RHPN2: variants seen among roughly 807,000 people sequenced by gnomAD.
The protein encoded by RHPN2 is rhophilin Rho GTPase binding protein 2.
A neutral mutation model predicts 79.0 loss-of-function variants in RHPN2; 40 were observed. The observed-to-expected ratio is 0.51, with a 90% confidence interval of 0.39 to 0.66. The LOEUF is 0.66. Ranked by LOEUF, RHPN2 falls within the 30% of genes least tolerant of loss-of-function variation. The probability of loss-of-function intolerance (pLI) is 0.00; values close to 1 mark genes in which losing one functional copy is unlikely to be tolerated. For missense variants in RHPN2, 686 were observed against 883.5 expected (o/e 0.78, Z 2.83); for synonymous variants, 285 against 363.5 (o/e 0.78, Z 2.46).
chr19:33,038,301 C>CA (rs767189996), intron 2 of RHPN2, among the ~76,000 whole-genome samples: 1,233 of 121,742 alleles, frequency 0.01, 8 homozygotes, highest in African/African-American at 0.025. Context: ...GACTCCATCT[C>CA]AAAAAAAAAA....
chr19:32,999,608 A>C lies in RHPN2; in HGVS notation c.1203T>G (p.Asn401Lys). Residue 401 changes from asparagine to lysine, a missense_variant, in exon 10 of 15, where the codon AAT (asparagine) becomes AAG (lysine). By Grantham distance (94) the Asn-to-Lys change is moderately conservative. Coordinates refer to ENST00000254260, the MANE Select transcript of RHPN2 (RefSeq NM_033103.5). ...EGLTPLATLK[N>K]DQQRRQLGKS... ...CACCCAGCTGTCGGCGCTGCTGATC[A>C]TTCTTCAGTGTGGCCAAGGGTGTCA... 1 of 1,612,484 alleles carries C rather than the reference A, an allele frequency of 6.2e-7. No individual in the cohort carries two copies. The highest frequency in any genetic ancestry group is 1.1e-5 in the South Asian group (1 of 91,026).
intron 3 of RHPN2, among the ~76,000 whole-genome samples, chr19:33,025,969 C>T (rs1971962292): frequency 1.4e-5 from 2 of 147,358 alleles, no homozygotes; most frequent in African/African-American, 5.1e-5. Context: ...AGATTTTATA[C>T]TGTGTTCATT....
rs1027422311 is a variant in RHPN2, at chr19:33,017,170, T to G, written c.390+4401A>C. ...GAGGCGGGTGGATCATCTGAGGTCA[T>G]GAGTTCAAGACCAGCCTGGCCAACA... On this transcript the variant is annotated intron_variant, in intron 4 of 14. Transcript: ENST00000254260. Among the ~76,000 whole-genome samples the G allele has an allele frequency of 3.9e-5, 6 of 152,026 alleles. No homozygotes were observed. In the South Asian group the frequency reaches 1.2e-3, roughly 32 times the overall value.
At chr19:33,011,883 AC>A in intron 5 of RHPN2, 80 bp from the exon 6 acceptor site, 1 of 1,581,338 alleles carries the variant, frequency 6.3e-7, no homozygotes, top group Non-Finnish European at 8.7e-7. Context: ...CCCTGCACAT[AC>A]CAGCAGGTGC....
At chr19:33,055,932 G>A (rs561474376) in intron 1 of RHPN2, among the ~76,000 whole-genome samples, 9 of 151,840 alleles carry the variant, frequency 5.9e-5, no homozygotes, top group Middle Eastern at 3.4e-3. Context: ...ATTCATTTTG[G>A]GGCATTAGCA....
At chr19:33,016,316 A>G (rs920240349) in intron 4 of RHPN2, among the ~76,000 whole-genome samples, 6 of 151,952 alleles carry the variant, frequency 3.9e-5, no homozygotes, top group African/African-American at 1.4e-4. Flanking sequence ...GGCTCAAGCA[A>G]TCCACCTCAA....
chr19:32,999,909 T>C (rs10423947), intron 9 of RHPN2, among the ~76,000 whole-genome samples: 2,327 of 152,190 alleles, frequency 0.015, 71 homozygotes, highest in African/African-American at 0.054. Context: ...CTCACTCTGT[T>C]ACCAGGCTGG....
chr19:33,020,193 A>C (rs1971911898), intron 4 of RHPN2, among the ~76,000 whole-genome samples: 1 of 152,174 alleles, frequency 6.6e-6, no homozygotes, highest in Non-Finnish European at 1.5e-5. Context: ...CCAGATACCC[A>C]GGAATGTGGC....
chr19:32,999,117 G>A (rs1193783724), intron 10 of RHPN2, among the ~76,000 whole-genome samples: 2 of 152,082 alleles, frequency 1.3e-5, no homozygotes, highest in African/African-American at 2.4e-5. Context: ...AGACGGAGAA[G>A]CTGCGTATGT....
At chr19:32,983,160 CAA>C (rs1293161059) in intron 14 of RHPN2, among the ~76,000 whole-genome samples, 10 of 100,056 alleles carry the variant, frequency 1.0e-4, no homozygotes, top group Admixed American at 2.2e-4. Flanking sequence ...TACACACACA[CAA>C]ACACACACAC....
chr19:33,053,139 T>TTTTTGTTTTGTTTTGTTTTG (rs58956378), intron 1 of RHPN2, among the ~76,000 whole-genome samples: 1 of 151,478 alleles, frequency 6.6e-6, no homozygotes, highest in Non-Finnish European at 1.5e-5. Context: ...ACCTGGCTAA[T>TTTTTGTTTTGTTTTGTTTTG]TTTTGTTTTG....
Position 33,061,252 on chromosome 19 carries a change from G to A in RHPN2, c.69+3532C>T, listed in dbSNP as rs1259187865. 1.0e-4 allele frequency among the ~76,000 whole-genome samples: 14 copies of A among 139,880 alleles called. 1 individual carries two copies. Among genetic ancestry groups the A allele is most frequent in the African/African-American group, 3.0e-4 (11 of 37,232 alleles). 91.8% of individuals were successfully genotyped at this position (139,880 alleles called of 152,430 possible). A position where few individuals can be genotyped will look rare whatever the true frequency, so the allele number is the denominator to read the frequency against. ...TTTTTTTTTTTTTTTTTTTTGAGACGGAGTCTCGCTCTGTCACCCAGGCAG... is the reference window on the plus strand; with the variant it reads ...TTTTTTTTTTTTTTTTTTTTGAGACAGAGTCTCGCTCTGTCACCCAGGCAG... On this transcript the variant is annotated intron_variant, in intron 1 of 14. Transcript: ENST00000254260.
chr19:32,986,687 G>A (rs531768726), intron 14 of RHPN2, among the ~76,000 whole-genome samples: 20 of 151,532 alleles, frequency 1.3e-4, no homozygotes, highest in Admixed American at 1.1e-3. Flanking sequence ...CCAGTCACTC[G>A]GGAAGCTGAG....
chr19:33,000,681 C>T (rs1054920400), intron 9 of RHPN2, among the ~76,000 whole-genome samples: 5 of 152,204 alleles, frequency 3.3e-5, no homozygotes, highest in African/African-American at 7.2e-5. Context: ...CTTCGTGGCG[C>T]GCATCCTGCT....
chr19:33,026,412 T>C, intron 3 of RHPN2, 92 bp downstream of exon 3: 1 of 1,539,318 alleles, frequency 6.5e-7, no homozygotes, highest in Non-Finnish European at 8.9e-7. Context: ...CACCCCAGTC[T>C]AGAACGCTAT....
At chr19:33,064,755 T>TGGC in intron 1 of RHPN2, 29 bp downstream of exon 1, 714 of 1,426,854 alleles carry the variant, frequency 5.0e-4, no homozygotes, top group Middle Eastern at 1.2e-3. Flanking sequence ...AGCCCGCAGG[T>TGGC]CCCCGCCCGC....
chr19:33,028,789 G>A (rs1449931331), intron 2 of RHPN2, among the ~76,000 whole-genome samples: 1 of 151,978 alleles, frequency 6.6e-6, no homozygotes, highest in Non-Finnish European at 1.5e-5. Flanking sequence ...CCTACAATAG[G>A]CAAAATAATT....
intron 14 of RHPN2, among the ~76,000 whole-genome samples, chr19:32,980,645 G>C (rs1389550899): frequency 6.6e-6 from 1 of 152,050 alleles, no homozygotes; most frequent in East Asian, 1.9e-4. Context: ...AAACTCAGGT[G>C]ACCAATGCTT....
At chr19:33,049,447 C>T (rs1241279168) in intron 1 of RHPN2, among the ~76,000 whole-genome samples, 1 of 152,144 alleles carries the variant, frequency 6.6e-6, no homozygotes, top group Admixed American at 6.6e-5. Flanking sequence ...AACACAAAGC[C>T]GCTCTGAGAC....
Sources: allele counts gnomAD v4.1 joint callset (sites outside exome capture counted in the v4.1 genomes callset), GRCh38; gene constraint gnomAD v4.1.1; transcripts MANE v1.5; gene names NCBI Gene and HGNC (gene_info 2026-07-23, HGNC 2026-07-21).